The following CCSER1 variants were observed in gnomAD, a reference collection of about 807,000 sequenced individuals.
CCSER1 encodes the protein coiled-coil serine rich protein 1.
Under a neutral mutation model 82.0 loss-of-function variants are expected in CCSER1, and 41 were observed. The ratio of observed to expected loss-of-function variants is 0.50; its 90% confidence interval spans 0.39 to 0.65. The LOEUF is 0.65. CCSER1 is among the 30% of genes least tolerant of loss of function. The probability of loss-of-function intolerance (pLI) is 0.00; values close to 1 mark genes in which losing one functional copy is unlikely to be tolerated. For synonymous variants in CCSER1, 414 were observed against 383.9 expected, an observed-to-expected ratio of 1.08 and a Z score of -0.92; for missense variants, 1,119 against 1,064.2, an observed-to-expected ratio of 1.05 and a Z score of -0.72.
intron 10 of CCSER1, among the ~76,000 whole-genome samples, chr4:91,176,448 A>T (rs2149016332): frequency 6.6e-6 from 1 of 152,260 alleles, no homozygotes; most frequent in African/African-American, 2.4e-5. Context: ...GATTCTTCCT[A>T]TCCATAATTA....
intron 8 of CCSER1, among the ~76,000 whole-genome samples, chr4:90,827,759 A>T (rs190684086): frequency 5.9e-5 from 9 of 152,224 alleles, no homozygotes; most frequent in South Asian, 2.1e-4. Context: ...GCCCTCTGAG[A>T]GTTTAATAAT....
intron 3 of CCSER1, among the ~76,000 whole-genome samples, chr4:90,315,696 GT>G (rs1386881448): frequency 2.0e-5 from 3 of 151,974 alleles, no homozygotes; most frequent in Non-Finnish European, 2.9e-5. Context: ...TAGAGATGTG[GT>G]TTCACCATGT....
intron 10 of CCSER1, among the ~76,000 whole-genome samples, chr4:91,434,310 A>G (rs1308440543): frequency 6.6e-6 from 1 of 152,172 alleles, no homozygotes; most frequent in African/African-American, 2.4e-5. Context: ...TCGTAATTAG[A>G]ATATGGAAAA....
At chr4:90,231,728 G>A (rs1174348807) in intron 1 of CCSER1, among the ~76,000 whole-genome samples, 2 of 152,298 alleles carry the variant, frequency 1.3e-5, no homozygotes, top group African/African-American at 2.4e-5. Flanking sequence ...AAACTCCATT[G>A]TCTTAGCCCA....
In CCSER1 at chr4:90,479,839, G is replaced by A. The variant is rs533756392; in HGVS notation, c.1724+11485G>A. 1.8e-3 allele frequency among the ~76,000 whole-genome samples: 267 copies of A among 152,244 alleles called. 1 individual carries two copies. The highest frequency in any genetic ancestry group is 6.1e-3 in the African/African-American group (254 of 41,542). The stretch of plus-strand genomic sequence containing the variant: ...GTGAATAGTGCCGCAATAAACATAC[G>A]TGTGCATGTGTCTTTATAGCAGCAT... On this transcript the variant is annotated intron_variant, in intron 5 of 10. Coordinates refer to ENST00000509176, the MANE Select transcript of CCSER1 (RefSeq NM_001145065.2).
chr4:90,436,930 C>T (rs1017105733), intron 4 of CCSER1, among the ~76,000 whole-genome samples: 20 of 152,062 alleles, frequency 1.3e-4, no homozygotes, highest in African/African-American at 3.9e-4. Context: ...CCTCAGCCTC[C>T]CGAGTAGCTG....
chr4:91,513,589 T>A (rs1378330461), intron 10 of CCSER1, among the ~76,000 whole-genome samples: 1 of 152,182 alleles, frequency 6.6e-6, no homozygotes, highest in East Asian at 1.9e-4. Flanking sequence ...ATCCATCTGG[T>A]CCAGGGCTTT....
At chr4:90,243,025 T>A (rs1308840506) in intron 1 of CCSER1, among the ~76,000 whole-genome samples, 3 of 151,980 alleles carry the variant, frequency 2.0e-5, no homozygotes, top group Non-Finnish European at 4.4e-5. Context: ...AGACTGAATA[T>A]TCAGCTAGTT....
At position 91,131,540 on chromosome 4, in the gene CCSER1, A is replaced by C. The variant is rs1199405224; in HGVS notation, c.2217+45546A>C. On this transcript the variant is annotated intron_variant, in intron 10 of 10. Transcript: ENST00000509176. ...TCAGGAGACACATACTGCATTATTTAATTGTGAAGTGTCAAATGTGTAAAA... is the reference window on the plus strand; with the variant it reads ...TCAGGAGACACATACTGCATTATTTCATTGTGAAGTGTCAAATGTGTAAAA... Among the ~76,000 whole-genome samples the C allele has an allele frequency of 1.3e-5, 2 of 152,050 alleles. 1 individual carries two copies. The highest frequency in any genetic ancestry group is 2.9e-5 in the Non-Finnish European group (2 of 67,970).
At chr4:91,012,664 T>TACACTGCTACAACAGAAC (rs148995856) in intron 9 of CCSER1, among the ~76,000 whole-genome samples, 14,830 of 118,986 alleles carry the variant, frequency 0.12, 1,065 homozygotes, top group East Asian at 0.19. Flanking sequence ...ACAAAGGCCA[T>TACACTGCTACAACAGAAC]ACACTGCTAC....
intron 8 of CCSER1, among the ~76,000 whole-genome samples, chr4:90,849,082 G>T (rs942764630): frequency 6.6e-6 from 1 of 152,162 alleles, no homozygotes; most frequent in South Asian, 2.1e-4. Context: ...CATTAAGTGG[G>T]GTACTGCTGT....
At chr4:91,404,228 T>C (rs1049525162) in intron 10 of CCSER1, among the ~76,000 whole-genome samples, 1 of 152,094 alleles carries the variant, frequency 6.6e-6, no homozygotes, top group Non-Finnish European at 1.5e-5. Flanking sequence ...TATTTCTGTG[T>C]GATCGGTGGT....
At position 90,547,245 on chromosome 4, in the gene CCSER1, GA is replaced by G. The variant is rs200944422; in HGVS notation, c.1724+78900del. On this transcript the variant is annotated intron_variant, in intron 5 of 10. Coordinates refer to ENST00000509176, the MANE Select transcript of CCSER1 (RefSeq NM_001145065.2). ...ATTAAATAAAATAAAATAAAAAAAA[GA>G]AAAAAAAAGGTGAAGAATAGTTGTG... Among the ~76,000 whole-genome samples the G allele has an allele frequency of 2.7e-3, 409 of 148,928 alleles. 2 individuals carry two copies. The highest frequency in any genetic ancestry group is 8.6e-3 in the African/African-American group (351 of 40,700).
At chr4:90,376,936 C>T (rs10026538) in intron 3 of CCSER1, among the ~76,000 whole-genome samples, 53,254 of 151,988 alleles carry the variant, frequency 0.35, 9,673 homozygotes, top group South Asian at 0.44. Flanking sequence ...GGTATGGTTA[C>T]TGCCAGTCAT....
At chr4:90,389,157 G>A (rs1195834271) in intron 3 of CCSER1, among the ~76,000 whole-genome samples, 1 of 152,084 alleles carries the variant, frequency 6.6e-6, no homozygotes, top group Non-Finnish European at 1.5e-5. Context: ...AATGTATTAG[G>A]TTCTCTTTGG....
chr4:90,721,256 G>C (rs979917995), intron 6 of CCSER1, among the ~76,000 whole-genome samples: 1 of 151,810 alleles, frequency 6.6e-6, no homozygotes, highest in Non-Finnish European at 1.5e-5. Flanking sequence ...ATCTGTGCTA[G>C]TGTTTGAAAG....
intron 10 of CCSER1, among the ~76,000 whole-genome samples, chr4:91,448,063 G>A (rs1023473126): frequency 2.6e-5 from 4 of 152,042 alleles, no homozygotes; most frequent in African/African-American, 9.7e-5. Flanking sequence ...TACTTCATAA[G>A]GCAATGATCT....
chr4:91,278,576 T>G (rs971290794), intron 10 of CCSER1, among the ~76,000 whole-genome samples: 6 of 152,282 alleles, frequency 3.9e-5, no homozygotes, highest in South Asian at 4.1e-4. Context: ...TGCAGTGAGT[T>G]TCTTACAGGC....
chr4:90,269,480 AAAC>A (rs1266098383), intron 1 of CCSER1, among the ~76,000 whole-genome samples: 1 of 152,042 alleles, frequency 6.6e-6, no homozygotes, highest in Non-Finnish European at 1.5e-5. Flanking sequence ...AAATTTCTTG[AAAC>A]AATTGATAAT....
Sources: gnomAD v4.1 joint callset for allele counts (sites outside exome capture counted in the v4.1 genomes callset) on GRCh38, gnomAD v4.1.1 for gene constraint, MANE v1.5 for transcripts, NCBI Gene and HGNC (gene_info 2026-07-23, HGNC 2026-07-21) for gene names.